HERC6: variants seen among roughly 807,000 people sequenced by gnomAD.
The protein encoded by HERC6 is HECT and RLD domain containing E3 ubiquitin protein ligase family member 6.
In HERC6, 101 loss-of-function variants were observed where a neutral mutation model predicts 114.5. That is an observed-to-expected ratio of 0.88 (90% CI 0.75 to 1.04). HERC6 has a LOEUF of 1.04. HERC6 is among the 50% of genes least tolerant of loss of function. The pLI, the probability that HERC6 is intolerant of heterozygous loss-of-function variation, is 0.00. For missense variants in HERC6, 1,133 were observed against 1,230.9 expected (o/e 0.92, Z 1.19); for synonymous variants, 408 against 436.2 (o/e 0.94, Z 0.81).
At chr4:88,413,032 T>C (rs778945351) in intron 11 of HERC6, 45 bp from the exon 12 acceptor site, 13 of 1,376,894 alleles carry the variant, frequency 9.4e-6, no homozygotes, top group Non-Finnish European at 1.1e-5. Flanking sequence ...ATCCTCTGTA[T>C]CTAATATATC....
Position 88,396,090 on chromosome 4 carries a change from C to T in HERC6, c.835C>T (p.Pro279Ser). The change falls in exon 6 of 23, where the codon CCA (proline) becomes TCA (serine). Residue 279 changes from proline to serine, a missense_variant. By Grantham distance (74) the Pro-to-Ser change is moderately conservative (BLOSUM62 -1). Around this residue, in one of 3 missense-constraint regions of HERC6, gnomAD observed 735 missense variants for 754.0 expected, o/e 0.97. Coordinates refer to ENST00000264346, the MANE Select transcript of HERC6 (RefSeq NM_017912.4). Reference sequence around the variant, plus strand: ...CAGCCCCACTCCTGAGAAGAGAGGTCCACAACTTGTGGAAAGAATTGATGG... The same window carrying T: ...CAGCCCCACTCCTGAGAAGAGAGGTTCACAACTTGTGGAAAGAATTGATGG... ...GYSPTPEKRG[P>S]QLVERIDGLV... 1.2e-6 allele frequency: 2 copies of T among 1,606,764 alleles called. No homozygotes were observed. Among genetic ancestry groups the T allele is most frequent in the South Asian group, 2.2e-5 (2 of 89,924 alleles).
At chr4:88,437,087 C>T in intron 19 of HERC6, 116 bp downstream of exon 19, 1 of 665,110 alleles carries the variant, frequency 1.5e-6, no homozygotes. Context: ...GGCAGAGTCT[C>T]ACTCTGTCAC....
intron 5 of HERC6, among the ~76,000 whole-genome samples, chr4:88,394,908 G>A (rs994006538): frequency 2.6e-5 from 4 of 152,148 alleles, no homozygotes; most frequent in African/African-American, 9.7e-5. Context: ...AAGCAACAAA[G>A]TAATTTTTAC....
chr4:88,391,058 G>A (rs1433682589), intron 4 of HERC6, among the ~76,000 whole-genome samples, 179 bp downstream of exon 4: 1 of 152,198 alleles, frequency 6.6e-6, no homozygotes, highest in Non-Finnish European at 1.5e-5. Context: ...CTCAAACCTA[G>A]CAGCTTAAAA....
chr4:88,411,260 A>C (rs1736085300), intron 11 of HERC6, among the ~76,000 whole-genome samples: 1 of 152,180 alleles, frequency 6.6e-6, no homozygotes, highest in South Asian at 2.1e-4. Flanking sequence ...TAGTTTTATA[A>C]AAAACCCCAT....
chr4:88,396,442 G>A (rs1053034688), intron 6 of HERC6, among the ~76,000 whole-genome samples: 1 of 152,086 alleles, frequency 6.6e-6, no homozygotes, highest in Non-Finnish European at 1.5e-5. Flanking sequence ...CAAAATTAAA[G>A]TAAATTAATC....
chr4:88,413,327 T>C, intron 12 of HERC6, 61 bp downstream of exon 12: 1 of 1,266,632 alleles, frequency 7.9e-7, no homozygotes, highest in Non-Finnish European at 1.1e-6. Flanking sequence ...AAGTAGACGT[T>C]GTAGCAAATT....
chr4:88,405,188 C>T (rs1202031970), intron 9 of HERC6, among the ~76,000 whole-genome samples, 191 bp downstream of exon 9: 1 of 152,116 alleles, frequency 6.6e-6, no homozygotes, highest in Non-Finnish European at 1.5e-5. Flanking sequence ...CATGTGATAT[C>T]CCAGGTGACT....
chr4:88,413,007 A>G, intron 11 of HERC6, 70 bp from the exon 12 acceptor site: 10 of 1,127,836 alleles, frequency 8.9e-6, no homozygotes, highest in Non-Finnish European at 1.1e-5. Flanking sequence ...TTAATTTCAC[A>G]GCTTGCTTCT....
At chr4:88,423,709 A>G (rs1289985326) in intron 13 of HERC6, 151 bp from the exon 14 acceptor site, 1 of 410,660 alleles carries the variant, frequency 2.4e-6, no homozygotes, top group Admixed American at 4.5e-5. Flanking sequence ...TGGAAACTTT[A>G]TAGAACTCTA....
At chr4:88,425,663 T>C (rs956154392) in intron 15 of HERC6, among the ~76,000 whole-genome samples, 24 of 152,250 alleles carry the variant, frequency 1.6e-4, no homozygotes, top group African/African-American at 5.5e-4. Context: ...CTTCTGCTTC[T>C]TTTCTGGTAG....
In HERC6 at chr4:88,389,081, G is replaced by A. The variant is rs78650926; in HGVS notation, c.437-1571G>A. On this transcript the variant is annotated intron_variant, in intron 3 of 22. Coordinates refer to ENST00000264346, the MANE Select transcript of HERC6 (RefSeq NM_017912.4). ...AGATATCTCTCAAAAGGTGACATAT[G>A]AGCAGAAACCAAATGAAAAGGGAGG... Among the ~76,000 whole-genome samples, 7 of 152,250 alleles carry A rather than the reference G, an allele frequency of 4.6e-5. 1 individual carries two copies. In the East Asian group the frequency reaches 1.3e-3, roughly 29 times the overall value.
chr4:88,413,024 C>T, intron 11 of HERC6, 53 bp from the exon 12 acceptor site: 1 of 1,306,398 alleles, frequency 7.7e-7, no homozygotes, highest in South Asian at 1.4e-5. Flanking sequence ...TTCTCACAAT[C>T]CTCTGTATCT....
Position 88,385,552 on chromosome 4 carries a change from A to G in HERC6, c.413A>G (p.Tyr138Cys). 6.6e-7 allele frequency: 1 copy of G among 1,506,086 alleles called. No homozygotes were observed. The highest frequency in any genetic ancestry group is 8.9e-7 in the Non-Finnish European group (1 of 1,121,878). The allele number at this position is 1,506,086 out of a possible 1,614,324, so 93.3% of individuals were successfully genotyped here. Residue 138 changes from tyrosine (Y) to cysteine (C), a missense_variant, in exon 3 of 23, where the codon TAC becomes TGC. Transcript: ENST00000264346. ...IKIIQVSCGH[Y>C]HSLALSKDSQ... ...ATAATACAAGTTTCCTGTGGACACT[A>G]CCACTCCCTGGCATTATCAAAAGGT...
chr4:88,437,036 T>C (rs1738827664), intron 19 of HERC6, 65 bp downstream of exon 19: 2 of 1,208,548 alleles, frequency 1.7e-6, no homozygotes, highest in South Asian at 1.5e-5. Context: ...TAATTTTTAT[T>C]ATAGTATCTT....
In HERC6 at chr4:88,378,982, C is replaced by A; in HGVS notation, c.61C>A (p.Pro21Thr). ...GCAGCGCCGGAGGACGGCGGGCAGC[C>A]CCGGGGCTGAGCTACTGCAGGCGGC... ...ELQRRRTAGS[P>T]GAELLQAASG... Residue 21 changes from proline to threonine, a missense_variant, in exon 1 of 23, where the codon CCC becomes ACC. Around this residue, in one of 3 missense-constraint regions of HERC6, gnomAD observed 735 missense variants for 754.0 expected, o/e 0.97. Coordinates refer to ENST00000264346, the MANE Select transcript of HERC6 (RefSeq NM_017912.4). 1 of 1,582,884 alleles carries A rather than the reference C, an allele frequency of 6.3e-7. No homozygotes were observed. Among genetic ancestry groups the A allele is most frequent in the South Asian group, 1.2e-5 (1 of 86,828 alleles).
chr4:88,378,854 C>T lies in HERC6; in HGVS notation c.-68C>T. 7.0e-7 allele frequency: 1 copy of T among 1,419,566 alleles called. No individual in the cohort carries two copies. The highest frequency in any genetic ancestry group is 9.5e-7 in the Non-Finnish European group (1 of 1,058,166). 87.9% of individuals were successfully genotyped at this position (1,419,566 alleles called of 1,614,324 possible). On this transcript the variant is annotated 5_prime_UTR_variant, in exon 1 of 23. Transcript: ENST00000264346. ...AGGAAATCATCGCGCACCCAGTCAC[C>T]AGCGTTCGGGAGCCTGTCGCAGCGG... is the stretch of plus-strand genomic sequence containing the variant.
At chr4:88,425,419 T>C (rs1578414191) in intron 15 of HERC6, among the ~76,000 whole-genome samples, 1 of 152,186 alleles carries the variant, frequency 6.6e-6, no homozygotes, top group Non-Finnish European at 1.5e-5. Context: ...TCTATTGTTT[T>C]CCTGCCATGA....
intron 13 of HERC6, among the ~76,000 whole-genome samples, chr4:88,418,142 G>A (rs1045200529): frequency 1.3e-5 from 2 of 152,036 alleles, no homozygotes; most frequent in African/African-American, 2.4e-5. Context: ...GTTACCTCTT[G>A]GGAAGGGCAA....
Sources: allele counts gnomAD v4.1 joint callset (sites outside exome capture counted in the v4.1 genomes callset), GRCh38; gene constraint gnomAD v4.1.1; regional missense constraint gnomAD v4.1.1; transcripts MANE v1.5; gene names NCBI Gene and HGNC (gene_info 2026-07-23, HGNC 2026-07-21).